The following FRAS1 variants were observed in gnomAD, a reference collection of about 807,000 sequenced individuals.
FRAS1 encodes the protein Fraser extracellular matrix complex subunit 1.
Under a neutral mutation model 435.2 loss-of-function variants are expected in FRAS1, and 290 were observed. That is an observed-to-expected ratio of 0.67 (90% confidence interval 0.61 to 0.73). The LOEUF is 0.73. FRAS1 is among the 30% of genes least tolerant of loss of function. The probability of loss-of-function intolerance (pLI) is 0.00; values close to 1 mark genes in which losing one functional copy is unlikely to be tolerated. For missense variants in FRAS1, 4,860 were observed against 5,001.5 expected, an observed-to-expected ratio of 0.97 and a Z score of 0.85; for synonymous variants, 1,800 against 1,851.0, an observed-to-expected ratio of 0.97 and a Z score of 0.71.
intron 2 of FRAS1, among the ~76,000 whole-genome samples, chr4:78,183,732 TTGTGTGTGTGTGTG>T (rs3974339): frequency 4.9e-4 from 67 of 137,040 alleles, no homozygotes; most frequent in African/African-American, 1.6e-3. Context: ...TTCATTCTCT[TTGTGTGTGTGTGTG>T]TGTGTGTGTG....
At chr4:78,287,674 A>C (rs773770116) in intron 14 of FRAS1, among the ~76,000 whole-genome samples, 3 of 152,178 alleles carry the variant, frequency 2.0e-5, no homozygotes, top group Admixed American at 6.6e-5. Context: ...TGAGGTTAAA[A>C]AGGCTAAGTT....
intron 2 of FRAS1, among the ~76,000 whole-genome samples, chr4:78,146,551 A>G (rs1720429975): frequency 6.6e-6 from 1 of 152,156 alleles, no homozygotes; most frequent in Non-Finnish European, 1.5e-5. Flanking sequence ...AGTGAACTCC[A>G]GTGTGTCCAT....
intron 28 of FRAS1, among the ~76,000 whole-genome samples, chr4:78,384,925 A>T (rs945951768): frequency 6.9e-6 from 1 of 145,640 alleles, no homozygotes; most frequent in African/African-American, 2.5e-5. Flanking sequence ...AAAAAAAAAA[A>T]AAAAGACTGT....
Position 78,507,523 on chromosome 4 carries a change from C to T in FRAS1, c.9419C>T (p.Ala3140Val). The change falls in exon 62 of 74, where the codon GCA becomes GTA. Residue 3140 changes from alanine (A) to valine (V), a missense_variant. Ala to Val is a moderately conservative substitution (Grantham distance 64, BLOSUM62 0). Transcript: ENST00000512123. ...LVLGPDDPVEAVLGDVTTATV... is the reference protein window; with the variant it reads ...LVLGPDDPVEVVLGDVTTATV... The stretch of plus-strand genomic sequence containing the variant: ...CTTGGCCCAGATGACCCAGTGGAAG[C>T]AGTTCTTGGGGATGTGACTACTGCC... 6.2e-7 allele frequency: 1 copy of T among 1,612,190 alleles called. No homozygotes were observed. The highest frequency in any genetic ancestry group is 8.5e-7 in the Non-Finnish European group (1 of 1,179,206).
chr4:78,181,368 C>G lies in FRAS1; in HGVS notation c.109-56142C>G, dbSNP rs945045682. On this transcript the variant is annotated intron_variant, in intron 2 of 73. Coordinates refer to ENST00000512123, the MANE Select transcript of FRAS1 (RefSeq NM_025074.7). ...TCCAAGTCAGTTAATTCGTCTTTGACAGTTCCCCAGTTGTGAGATCCGCTA... is the reference window on the plus strand; with the variant it reads ...TCCAAGTCAGTTAATTCGTCTTTGAGAGTTCCCCAGTTGTGAGATCCGCTA... 12 of 1,611,722 alleles carry G rather than the reference C, an allele frequency of 7.4e-6. No homozygotes were observed. The African/African-American group carries it at 1.1e-4, about 14-fold the overall frequency.
chr4:78,539,239 C>A, intron 72 of FRAS1, 55 bp from the exon 73 acceptor site: 2 of 1,567,528 alleles, frequency 1.3e-6, no homozygotes, highest in Admixed American at 1.8e-5. Flanking sequence ...TGCCACCTAC[C>A]AATATAGTGG....
intron 2 of FRAS1, among the ~76,000 whole-genome samples, chr4:78,128,060 T>C (rs894574339): frequency 2.6e-5 from 4 of 152,240 alleles, no homozygotes; most frequent in South Asian, 2.1e-4. Flanking sequence ...GTTTCATCCA[T>C]GTCCCTACAA....
At chr4:78,430,791 A>C (rs1209600233) in intron 37 of FRAS1, among the ~76,000 whole-genome samples, 1 of 152,176 alleles carries the variant, frequency 6.6e-6, no homozygotes, top group Non-Finnish European at 1.5e-5. Context: ...GAATCTTCAC[A>C]ATATTTTTAG....
At chr4:78,421,492 G>A (rs79137348) in intron 33 of FRAS1, among the ~76,000 whole-genome samples, 3,517 of 152,220 alleles carry the variant, frequency 0.023, 146 homozygotes, top group African/African-American at 0.079. Flanking sequence ...ATTCGATGGT[G>A]TCCGCCTAGA....
chr4:78,246,441 T>C (rs1308436079), intron 4 of FRAS1, among the ~76,000 whole-genome samples: 1 of 152,200 alleles, frequency 6.6e-6, no homozygotes, highest in Non-Finnish European at 1.5e-5. Context: ...ACTCTTTCAC[T>C]TCTGCACAAT....
chr4:78,241,613 A>G (rs1725006275), intron 3 of FRAS1, among the ~76,000 whole-genome samples: 1 of 152,154 alleles, frequency 6.6e-6, no homozygotes, highest in African/African-American at 2.4e-5. Context: ...TGGTTGCTGG[A>G]CATTGAGGAT....
At position 78,254,233 on chromosome 4, in the gene FRAS1, G is replaced by A. The variant is rs944892573; in HGVS notation, c.470-1009G>A. Among the ~76,000 whole-genome samples the A allele has an allele frequency of 2.0e-5, 3 of 152,034 alleles. No individual in the cohort carries two copies. The South Asian group carries it at 6.2e-4, about 32-fold the overall frequency. Reference sequence around the variant, plus strand: ...TACCGTATAATAAATAGGAATTATTGTCATTGCTGTATTAGGCACTCTCAC... The same window carrying A: ...TACCGTATAATAAATAGGAATTATTATCATTGCTGTATTAGGCACTCTCAC... On this transcript the variant is annotated intron_variant, in intron 5 of 73. Coordinates refer to ENST00000512123, the MANE Select transcript of FRAS1 (RefSeq NM_025074.7).
intron 2 of FRAS1, among the ~76,000 whole-genome samples, chr4:78,083,000 G>C (rs1740964972): frequency 6.6e-6 from 1 of 152,152 alleles, no homozygotes. Context: ...TGAGACATAG[G>C]CTTTCCTTTT....
intron 54 of FRAS1, 120 bp from the exon 55 acceptor site, chr4:78,477,695 G>A (rs749576513): frequency 7.9e-7 from 1 of 1,261,222 alleles, no homozygotes; most frequent in Non-Finnish European, 1.1e-6. Context: ...GGGAGAACCA[G>A]CTATTTCAGT....
chr4:78,391,899 A>G (rs953662574), intron 29 of FRAS1, among the ~76,000 whole-genome samples: 3 of 152,224 alleles, frequency 2.0e-5, no homozygotes, highest in Admixed American at 2.0e-4. Context: ...AGAGTTACAA[A>G]TATCAATGGC....
intron 47 of FRAS1, among the ~76,000 whole-genome samples, chr4:78,456,145 T>TTTTC (rs1560738479): frequency 2.2e-5 from 3 of 138,426 alleles, no homozygotes; most frequent in Non-Finnish European, 3.1e-5. Flanking sequence ...TCACTTTTTT[T>TTTTC]TTTTTTTTTT....
chr4:78,278,621 T>C lies in FRAS1; in HGVS notation c.982-34T>C, dbSNP rs368402333. 1.1e-5 allele frequency: 13 copies of C among 1,224,218 alleles called. No homozygotes were observed. The African/African-American group carries it at 1.9e-4, about 18-fold the overall frequency. The allele number at this position is 1,224,218 out of a possible 1,614,324, so 75.8% of individuals were successfully genotyped here. A position where few individuals can be genotyped will look rare whatever the true frequency, so the allele number is the denominator to read the frequency against. On this transcript the variant is annotated intron_variant, in intron 9 of 73. Transcript: ENST00000512123. Reference sequence around the variant, plus strand: ...AGCCCTGCTACCTGGAGATGTTAATTTGATATGTGCCACTGCAACCCTTAT... The same window carrying C: ...AGCCCTGCTACCTGGAGATGTTAATCTGATATGTGCCACTGCAACCCTTAT...
intron 2 of FRAS1, among the ~76,000 whole-genome samples, chr4:78,174,451 A>T (rs1198328499): frequency 1.3e-5 from 2 of 152,182 alleles, no homozygotes; most frequent in Non-Finnish European, 1.5e-5. Context: ...GGCAGTGCAA[A>T]TACAAGCTCC....
intron 9 of FRAS1, among the ~76,000 whole-genome samples, chr4:78,274,201 C>A (rs550149341): frequency 6.6e-6 from 1 of 152,232 alleles, no homozygotes; most frequent in Admixed American, 6.5e-5. Context: ...TGATTCTTCT[C>A]TCTTTTCTTC....
Sources: allele counts gnomAD v4.1 joint callset (sites outside exome capture counted in the v4.1 genomes callset), GRCh38; gene constraint gnomAD v4.1.1; transcripts MANE v1.5; gene names NCBI Gene and HGNC (gene_info 2026-07-23, HGNC 2026-07-21).